CPAMD8: variants seen among roughly 807,000 people sequenced by gnomAD.
CPAMD8 encodes the protein C3 and PZP-like alpha-2-macroglobulin domain-containing protein 8.
CPAMD8 carries 146 observed loss-of-function variants against 224.7 expected under a neutral mutation model. The observed-to-expected ratio is 0.65, with a 90% CI of 0.57 to 0.75. The LOEUF (loss-of-function observed/expected upper bound fraction) is 0.75. Among genes scored for constraint, CPAMD8 ranks in the 30% least tolerant of loss-of-function variants. CPAMD8 has a pLI of 0.00. For missense variants in CPAMD8, 2,301 were observed against 2,537.5 expected (o/e 0.91, Z 2.00); for synonymous variants, 966 against 1,044.6 (o/e 0.92, Z 1.45).
intron 25 of CPAMD8, among the ~76,000 whole-genome samples, chr19:16,926,201 C>T (rs1289910254): frequency 6.6e-6 from 1 of 152,132 alleles, no homozygotes; most frequent in African/African-American, 2.4e-5. Context: ...GTTCTCCCAT[C>T]CCCTTGACAT....
At chr19:16,904,176 A>ACCCC in intron 32 of CPAMD8, 50 bp downstream of exon 32, 14 of 937,322 alleles carry the variant, frequency 1.5e-5, no homozygotes, top group Admixed American at 4.1e-5. Context: ...GACTGCAGGG[A>ACCCC]CCCCACCCAC....
intron 17 of CPAMD8, among the ~76,000 whole-genome samples, chr19:16,972,938 G>A (rs973708144): frequency 3.3e-5 from 5 of 152,140 alleles, no homozygotes; most frequent in African/African-American, 4.8e-5. Flanking sequence ...GGAGGCTAAC[G>A]CGGGTGGATC....
rs200025505 is a variant in CPAMD8, at chr19:16,975,165, G to A, written c.2002C>T (p.Arg668Ter). 94 of 1,612,370 alleles carry A rather than the reference G, an allele frequency of 5.8e-5. No individual in the cohort carries two copies. The highest frequency in any genetic ancestry group is 7.1e-5 in the Non-Finnish European group (84 of 1,179,402). Residue 668 changes from arginine (R) to a stop codon, truncating the protein, a stop_gained, in exon 17 of 42, where the codon CGA becomes TGA. Transcript: ENST00000443236. LOFTEE classifies it high-confidence loss of function. ...GGGAAGACAGAGGAGCGCCGGCGTC[G>A]TTGTGCCGTCAGCCCAGCCCACCAA... The part of the protein sequence containing the change: ...PFWWAGLTAQ[R>*]RRRSSVFPWP...
At chr19:16,959,027 GA>G (rs1370448871) in intron 18 of CPAMD8, among the ~76,000 whole-genome samples, 3 of 151,892 alleles carry the variant, frequency 2.0e-5, no homozygotes, top group African/African-American at 7.3e-5. Flanking sequence ...TCAAAATCCT[GA>G]CCTCAGGTGA....
chr19:16,943,828 G>A (rs191564723), intron 22 of CPAMD8, among the ~76,000 whole-genome samples: 123 of 152,212 alleles, frequency 8.1e-4, no homozygotes, highest in Non-Finnish European at 1.3e-3. Flanking sequence ...GCTTCCATCC[G>A]AATCTGGGGC....
Position 16,956,519 on chromosome 19 carries a change from G to C in CPAMD8, c.2276+1334C>G, listed in dbSNP as rs16981506. On this transcript the variant is annotated intron_variant, in intron 19 of 41. Coordinates refer to ENST00000443236, the MANE Select transcript of CPAMD8 (RefSeq NM_015692.5). ...CTGGGACTCTGTCTACCTTATTCAA[G>C]GGACCATCCTTAACATCAAAAACAT... Among the ~76,000 whole-genome samples, 975 of 152,150 alleles carry C rather than the reference G, an allele frequency of 6.4e-3. 12 individuals are homozygous for C. The highest frequency in any genetic ancestry group is 0.021 in the African/African-American group (866 of 41,502).
At chr19:16,951,831 T>A in intron 20 of CPAMD8, 138 bp downstream of exon 20, 2 of 623,704 alleles carry the variant, frequency 3.2e-6, no homozygotes, top group Non-Finnish European at 5.7e-6. Flanking sequence ...CATCCCTGCC[T>A]CCTCAACATC....
At chr19:16,948,874 AAGG>A in intron 20 of CPAMD8, among the ~76,000 whole-genome samples, 1 of 10,220 alleles carries the variant, frequency 9.8e-5, no homozygotes, top group Non-Finnish European at 1.7e-4. Flanking sequence ...AAGGAAAGGG[AAGG>A]GAAGGGAAGG....
chr19:16,993,454 G>A lies in CPAMD8; in HGVS notation c.1228C>T (p.Pro410Ser). The A allele has an allele frequency of 6.2e-7, 1 of 1,613,812 alleles. No individual in the cohort carries two copies. The highest frequency in any genetic ancestry group is 1.7e-5 in the Admixed American group (1 of 59,992). ...SQRGLVGFEI[P>S]SIPTSAQHVW... ...TGCTGGGCTGACGTGGGGATGGAGG[G>A]GATTTCAAACCCCACTAGTCCACGC... The change falls in exon 12 of 42, where the codon CCC becomes TCC. Residue 410 changes from proline to serine, a missense_variant. Physicochemically the swap from Pro to Ser is moderately conservative, Grantham distance 74 (BLOSUM62 -1). Coordinates refer to ENST00000443236, the MANE Select transcript of CPAMD8 (RefSeq NM_015692.5).
chr19:17,001,179 G>T (rs2056301633), intron 9 of CPAMD8, among the ~76,000 whole-genome samples: 1 of 151,964 alleles, frequency 6.6e-6, no homozygotes, highest in Non-Finnish European at 1.5e-5. Context: ...AAAATTAGTT[G>T]GGTGTGGTGG....
intron 13 of CPAMD8, among the ~76,000 whole-genome samples, chr19:16,981,403 G>A (rs1025568155): frequency 6.6e-6 from 1 of 152,084 alleles, no homozygotes; most frequent in Non-Finnish European, 1.5e-5. Flanking sequence ...AACTTTGAAC[G>A]TGCTAATGCC....
chr19:16,984,598 T>G (rs1252613102), intron 13 of CPAMD8, among the ~76,000 whole-genome samples: 2 of 152,050 alleles, frequency 1.3e-5, no homozygotes, highest in African/African-American at 4.8e-5. Flanking sequence ...GTCAGGAAAG[T>G]GAAAAGATAA....
chr19:16,907,024 C>G lies in CPAMD8; in HGVS notation c.3955G>C (p.Ala1319Pro), dbSNP rs199719544. Residue 1319 changes from alanine (A) to proline (P), a missense_variant, in exon 30 of 42, where the codon GCG (alanine) becomes CCG (proline). Ala to Pro is a conservative substitution (Grantham distance 27). Coordinates refer to ENST00000443236, the MANE Select transcript of CPAMD8 (RefSeq NM_015692.5). The part of the protein sequence containing the change: ...DPYSCALTTY[A>P]LTLLRSPAAP... ...GCCGGGCTGCGGAGCAGGGTCAGCG[C>G]GTAGGTAGTCAGGGCACAGCTATAA... 5 of 1,609,136 alleles carry G rather than the reference C, an allele frequency of 3.1e-6. No individual in the cohort carries two copies. The highest frequency in any genetic ancestry group is 3.4e-5 in the Admixed American group (2 of 59,236).
intron 29 of CPAMD8, among the ~76,000 whole-genome samples, chr19:16,913,380 TAGG>T (rs1196255821): frequency 6.6e-6 from 1 of 151,974 alleles, no homozygotes; most frequent in East Asian, 1.9e-4. Flanking sequence ...TCCAAAATAA[TAGG>T]ATTAGTGTCC....
chr19:16,920,362 C>T (rs1030192230), intron 27 of CPAMD8, among the ~76,000 whole-genome samples: 6 of 152,076 alleles, frequency 3.9e-5, no homozygotes, highest in African/African-American at 1.4e-4. Flanking sequence ...CGCCTGTATT[C>T]CCAGCTACTC....
At chr19:16,982,882 G>A (rs1384486610) in intron 13 of CPAMD8, among the ~76,000 whole-genome samples, 1 of 152,188 alleles carries the variant, frequency 6.6e-6, no homozygotes, top group African/African-American at 2.4e-5. Context: ...TAATTCCCAT[G>A]TGTTCTGGGA....
chr19:16,908,883 G>C (rs2052620004), intron 29 of CPAMD8, among the ~76,000 whole-genome samples: 2 of 152,176 alleles, frequency 1.3e-5, no homozygotes, highest in Non-Finnish European at 2.9e-5. Flanking sequence ...CATCCCAGGG[G>C]CAGGAACAGT....
intron 18 of CPAMD8, among the ~76,000 whole-genome samples, chr19:16,961,785 T>C (rs1234373959): frequency 6.6e-6 from 1 of 152,180 alleles, no homozygotes; most frequent in African/African-American, 2.4e-5. Context: ...ACACCTCATA[T>C]AGGCGGGTAC....
At chr19:16,918,302 T>A (rs1407225086) in intron 27 of CPAMD8, among the ~76,000 whole-genome samples, 2 of 152,174 alleles carry the variant, frequency 1.3e-5, no homozygotes, top group African/African-American at 4.8e-5. Flanking sequence ...GCCCCTCCTG[T>A]GTACTTTAAA....
Sources: gnomAD v4.1 joint callset for allele counts (sites outside exome capture counted in the v4.1 genomes callset) on GRCh38, gnomAD v4.1.1 for gene constraint, MANE v1.5 for transcripts, NCBI Gene and HGNC (gene_info 2026-07-23, HGNC 2026-07-21) for gene names.